The following NNMT variants were observed in gnomAD, a reference collection of about 807,000 sequenced individuals.
NNMT encodes nicotinamide N-methyltransferase.
A neutral mutation model predicts 11.7 loss-of-function variants in NNMT; 10 were observed. That is an observed-to-expected ratio of 0.85 (90% confidence interval 0.53 to 1.45). The LOEUF (loss-of-function observed/expected upper bound fraction) is 1.45, where lower values mean the gene tolerates loss of function less well. Among genes scored for constraint, NNMT ranks in the 40% most tolerant of loss-of-function variants. NNMT has a pLI of 0.00. For synonymous variants in NNMT, 143 were observed against 133.8 expected, an observed-to-expected ratio of 1.07 and a Z score of -0.48; for missense variants, 381 against 319.4, an observed-to-expected ratio of 1.19 and a Z score of -1.47.
At chr11:114,268,319 G>A (rs1945138456) in intron 2 of NNMT, among the ~76,000 whole-genome samples, 1 of 152,148 alleles carries the variant, frequency 6.6e-6, no homozygotes, top group Non-Finnish European at 1.5e-5. Flanking sequence ...GCCTCTCCCA[G>A]CTAGGCAGAA....
In NNMT at chr11:114,276,233, G is replaced by A. The variant is rs1446588563; in HGVS notation, c.-130+13299G>A. On this transcript the variant is annotated intron_variant, in intron 2 of 4. Transcript: ENST00000535401. Reference sequence around the variant, plus strand: ...AGTGTCTACATGGTGGGGGACAAGAGGTTCTCCACACTGCCCCTAGAGAGG... The same window carrying A: ...AGTGTCTACATGGTGGGGGACAAGAAGTTCTCCACACTGCCCCTAGAGAGG... Among the ~76,000 whole-genome samples, 4 of 151,736 alleles carry A rather than the reference G, an allele frequency of 2.6e-5. No individual in the cohort carries two copies. In the East Asian group the frequency reaches 7.8e-4, roughly 30 times the overall value.
At chr11:114,260,450 A>C (rs1007590388) in intron 1 of NNMT, among the ~76,000 whole-genome samples, 1 of 152,094 alleles carries the variant, frequency 6.6e-6, no homozygotes, top group African/African-American at 2.4e-5. Flanking sequence ...CCTTTCCTTC[A>C]TTCTCAGCCT....
intron 2 of NNMT, among the ~76,000 whole-genome samples, chr11:114,278,712 T>C: frequency 6.6e-6 from 1 of 152,140 alleles, no homozygotes; most frequent in East Asian, 1.9e-4. Context: ...GCTAGATCTG[T>C]CAGTGGTGTC....
intron 2 of NNMT, among the ~76,000 whole-genome samples, chr11:114,284,646 T>C (rs932733209): frequency 8.6e-5 from 13 of 151,726 alleles, no homozygotes; most frequent in Non-Finnish European, 1.5e-4. Context: ...GTATTTTTAG[T>C]AGAGACGGGG....
intron 2 of NNMT, among the ~76,000 whole-genome samples, chr11:114,302,213 C>A (rs1945445463): frequency 6.6e-6 from 1 of 151,960 alleles, no homozygotes; most frequent in Non-Finnish European, 1.5e-5. Flanking sequence ...TCTATCTGTC[C>A]CATCTGATTG....
chr11:114,283,679 C>T (rs1031674622), intron 2 of NNMT, among the ~76,000 whole-genome samples: 5 of 152,210 alleles, frequency 3.3e-5, no homozygotes, highest in East Asian at 1.9e-4. Context: ...GAGGTTATTA[C>T]GTCTATCCTC....
intron 2 of NNMT, among the ~76,000 whole-genome samples, chr11:114,286,814 C>T (rs537076646): frequency 5.9e-5 from 9 of 152,262 alleles, no homozygotes; most frequent in South Asian, 4.1e-4. Context: ...GCATAGGGTA[C>T]GCAGCAACTC....
intron 2 of NNMT, among the ~76,000 whole-genome samples, chr11:114,270,057 G>A (rs1945157988): frequency 6.6e-6 from 1 of 151,842 alleles, no homozygotes; most frequent in Non-Finnish European, 1.5e-5. Flanking sequence ...AAAATTTCCG[G>A]GTGGTAGAGT....
At chr11:114,289,103 G>A (rs1945318079) in intron 2 of NNMT, among the ~76,000 whole-genome samples, 1 of 152,186 alleles carries the variant, frequency 6.6e-6, no homozygotes, top group East Asian at 1.9e-4. Context: ...TGGTTATAAG[G>A]CAATTCAGAT....
In NNMT at chr11:114,298,006, G is replaced by T. The variant is rs927635837; in HGVS notation, c.210G>T (p.Gln70His). ...IDIGSGPTIY[Q>H]LLSACESFKE... is the part of the protein sequence containing the mutation. ...TCGGCTCTGGCCCCACTATCTATCAGCTCCTCTCTGCTTGTGAATCCTTTA... is the reference window on the plus strand; with the variant it reads ...TCGGCTCTGGCCCCACTATCTATCATCTCCTCTCTGCTTGTGAATCCTTTA... Residue 70 changes from glutamine (Q) to histidine (H), a missense_variant, in exon 2 of 3, where the codon CAG (glutamine) becomes CAT (histidine). By Grantham distance (24) the Gln-to-His change is conservative. Coordinates refer to ENST00000299964, the MANE Select transcript of NNMT (RefSeq NM_006169.3). 1.4e-5 allele frequency: 23 copies of T among 1,613,760 alleles called. No homozygotes were observed. The highest frequency in any genetic ancestry group is 1.9e-5 in the Non-Finnish European group (22 of 1,180,048).
chr11:114,288,167 A>T (rs1224348923), intron 2 of NNMT, among the ~76,000 whole-genome samples: 1 of 152,154 alleles, frequency 6.6e-6, no homozygotes, highest in Non-Finnish European at 1.5e-5. Context: ...TTATCTGCTA[A>T]TAGTAACAGT....
At chr11:114,271,404 C>A (rs991850193) in intron 2 of NNMT, among the ~76,000 whole-genome samples, 1 of 152,134 alleles carries the variant, frequency 6.6e-6, no homozygotes, top group African/African-American at 2.4e-5. Context: ...GTGATGGGAG[C>A]CTCTAAATGA....
chr11:114,313,460 G>A lies in NNMT; in HGVS notation c.*983G>A, dbSNP rs911501070. Reference sequence around the variant, plus strand: ...CGCACCACTGTGTTCCAGACAGAGTGCGATGCTGTCTCGAAAAAAGTAAAA... The same window carrying A: ...CGCACCACTGTGTTCCAGACAGAGTACGATGCTGTCTCGAAAAAAGTAAAA... On this transcript the variant is annotated 3_prime_UTR_variant, in exon 3 of 3. Transcript: ENST00000299964. Among the ~76,000 whole-genome samples the A allele has an allele frequency of 1.3e-5, 2 of 152,108 alleles. No individual in the cohort carries two copies. The highest frequency in any genetic ancestry group is 2.4e-5 in the African/African-American group (1 of 41,392).
intron 2 of NNMT, among the ~76,000 whole-genome samples, chr11:114,285,352 C>A (rs927281995): frequency 2.6e-5 from 4 of 152,298 alleles, no homozygotes; most frequent in African/African-American, 9.6e-5. Context: ...TGCGTACATA[C>A]AGTGACGCCC....
chr11:114,310,817 C>T (rs1203368653), intron 2 of NNMT, among the ~76,000 whole-genome samples: 1 of 152,242 alleles, frequency 6.6e-6, no homozygotes, highest in Non-Finnish European at 1.5e-5. Flanking sequence ...TTCCCCTTTT[C>T]TCACTTATCT....
chr11:114,273,760 A>G (rs1219806461), intron 2 of NNMT, among the ~76,000 whole-genome samples: 1 of 152,090 alleles, frequency 6.6e-6, no homozygotes, highest in African/African-American at 2.4e-5. Flanking sequence ...GAATCACTTG[A>G]GCTCAGGAGT....
At chr11:114,298,209 G>T in intron 2 of NNMT, 51 bp downstream of exon 2, 1 of 1,522,842 alleles carries the variant, frequency 6.6e-7, no homozygotes, top group Non-Finnish European at 9.1e-7. Flanking sequence ...CTGAGTGATG[G>T]TTGGCAAAAG....
chr11:114,275,544 A>G (rs1337961892), intron 2 of NNMT, among the ~76,000 whole-genome samples: 3 of 152,196 alleles, frequency 2.0e-5, no homozygotes, highest in Non-Finnish European at 4.4e-5. Context: ...CCAATAGCTG[A>G]TGTCATGACT....
intron 2 of NNMT, among the ~76,000 whole-genome samples, chr11:114,264,927 G>A (rs1431734885): frequency 1.3e-5 from 2 of 152,214 alleles, no homozygotes; most frequent in African/African-American, 4.8e-5. Flanking sequence ...CCAGGGATGT[G>A]GCAGTCTGGA....
Sources: gnomAD v4.1 joint callset for allele counts (sites outside exome capture counted in the v4.1 genomes callset) on GRCh38, gnomAD v4.1.1 for gene constraint, MANE v1.5 for transcripts, NCBI Gene and HGNC (gene_info 2026-07-23, HGNC 2026-07-21) for gene names.